Variants in RFX6 observed in about 807,000 individuals in gnomAD.
The protein encoded by RFX6 is DNA-binding protein RFX6.
In RFX6, 50 loss-of-function variants were observed where a neutral mutation model predicts 110.8. The ratio of observed to expected loss-of-function variants is 0.45; its 90% confidence interval spans 0.36 to 0.57. The LOEUF is 0.57. RFX6 is among the 20% of genes least tolerant of loss of function. The pLI is 0.00. For synonymous variants in RFX6, 383 were observed against 411.2 expected, an observed-to-expected ratio of 0.93 and a Z score of 0.83; for missense variants, 990 against 1,127.0, an observed-to-expected ratio of 0.88 and a Z score of 1.74.
rs1775752346 is a variant in RFX6, at chr6:116,927,008, T to G, written c.1886-19T>G. The G allele has an allele frequency of 6.2e-7, 1 of 1,608,148 alleles. No homozygotes were observed. The highest frequency in any genetic ancestry group is 1.3e-5 in the African/African-American group (1 of 74,790). ...ACTTTAATATGACACTAAAGGAATG[T>G]TCTGGTGATTTTTTCCAGGTCAAAT... is the stretch of plus-strand genomic sequence containing the variant. On this transcript the variant is annotated intron_variant, in intron 16 of 18. Transcript: ENST00000332958.
At chr6:116,919,448 G>T (rs1048279674) in intron 11 of RFX6, 152 bp downstream of exon 11, 17 of 737,060 alleles carry the variant, frequency 2.3e-5, no homozygotes, top group South Asian at 4.4e-5. Context: ...TGCTATGATA[G>T]AAAAAGCACA....
At chr6:116,895,712 C>T (rs1044291404) in intron 6 of RFX6, among the ~76,000 whole-genome samples, 4 of 151,780 alleles carry the variant, frequency 2.6e-5, no homozygotes, top group Non-Finnish European at 5.9e-5. Flanking sequence ...TCCTCTCCAC[C>T]CCCTCCTTCA....
chr6:116,894,855 A>G (rs775351843), intron 5 of RFX6, among the ~76,000 whole-genome samples: 14 of 152,154 alleles, frequency 9.2e-5, no homozygotes, highest in Non-Finnish European at 1.8e-4. Context: ...TACAAGGAAC[A>G]TAAGGCTGCT....
chr6:116,900,072 C>T (rs1334744850), intron 6 of RFX6, among the ~76,000 whole-genome samples: 1 of 152,052 alleles, frequency 6.6e-6, no homozygotes, highest in East Asian at 1.9e-4. Context: ...TAACATTTTA[C>T]AATATGAAAC....
chr6:116,920,183 T>G, intron 11 of RFX6, 127 bp from the exon 12 acceptor site: 1 of 800,446 alleles, frequency 1.2e-6, no homozygotes, highest in Admixed American at 1.8e-5. Context: ...GCTTTTGTCT[T>G]TAAAATAAGA....
rs750243530 is a variant in RFX6 at position 116,895,245 on chromosome 6, A to G, written c.672+38A>G. ...TTCATCTCTATTTTACATCTGCTAT[A>G]ATATGTCTTACAAGCTGAGCAATAC... On this transcript the variant is annotated intron_variant, in intron 6 of 18. Transcript: ENST00000332958. 5.3e-6 allele frequency: 6 copies of G among 1,137,148 alleles called. No individual in the cohort carries two copies. The African/African-American group carries it at 6.1e-5, about 12-fold the overall frequency. 70.4% of individuals were successfully genotyped at this position (1,137,148 alleles called of 1,614,324 possible).
chr6:116,930,166 C>T (rs1347312268), intron 18 of RFX6, among the ~76,000 whole-genome samples: 3 of 152,124 alleles, frequency 2.0e-5, no homozygotes, highest in African/African-American at 7.2e-5. Context: ...TCAGAGCTGG[C>T]TTACAAGTAG....
At chr6:116,908,545 G>T (rs1228225544) in intron 6 of RFX6, among the ~76,000 whole-genome samples, 3 of 152,036 alleles carry the variant, frequency 2.0e-5, no homozygotes, top group Non-Finnish European at 2.9e-5. Context: ...TAAAAAAGGT[G>T]AGAGCAGGCA....
chr6:116,920,323 C>G lies in RFX6; in HGVS notation c.1196C>G (p.Ala399Gly), dbSNP rs201186377. The change falls in exon 12 of 19, where the codon GCT (alanine) becomes GGT (glycine). Residue 399 changes from alanine to glycine, a missense_variant. This residue lies in a region of RFX6 where 243 missense variants were observed against 353.1 expected (regional missense o/e 0.69). Coordinates refer to ENST00000332958, the MANE Select transcript of RFX6 (RefSeq NM_173560.4). ...TTCTCTATGCAGATTGCCAGACCAG[C>G]TCTCTTTGACCAGCATGTCGTTAAT... Reference protein sequence around the residue: ...FLHLAQIARPALFDQHVVNSM... With the variant: ...FLHLAQIARPGLFDQHVVNSM... 1.9e-6 allele frequency: 3 copies of G among 1,611,704 alleles called. No individual in the cohort carries two copies. The African/African-American group carries it at 4.0e-5, about 21-fold the overall frequency.
chr6:116,896,480 GATA>G (rs1019430351), intron 6 of RFX6, among the ~76,000 whole-genome samples: 10 of 152,240 alleles, frequency 6.6e-5, no homozygotes, highest in African/African-American at 1.9e-4. Flanking sequence ...AGTTTAAAAT[GATA>G]ATAAAATATT....
intron 11 of RFX6, among the ~76,000 whole-genome samples, chr6:116,919,741 ACT>A (rs1275081780): frequency 1.3e-5 from 2 of 152,224 alleles, no homozygotes; most frequent in African/African-American, 4.8e-5. Context: ...GAAACCACAA[ACT>A]CAACACATTT....
In RFX6 at chr6:116,923,231, T is replaced by TA; in HGVS notation, c.1555+8dup. ...AACAATGCATCCAGTTTTGGTAACATACGTGCATTATAAAACTGTTCTTAC... is the reference window on the plus strand; with the variant it reads ...AACAATGCATCCAGTTTTGGTAACATAACGTGCATTATAAAACTGTTCTTAC... On this transcript the variant is annotated splice_region_variant and intron_variant, in intron 14 of 18. Coordinates refer to ENST00000332958, the MANE Select transcript of RFX6 (RefSeq NM_173560.4). 2 of 1,230,956 alleles carry TA rather than the reference T, an allele frequency of 1.6e-6. No homozygotes were observed. The highest frequency in any genetic ancestry group is 2.4e-5 in the South Asian group (2 of 82,672). The allele number at this position is 1,230,956 out of a possible 1,614,324, so 76.3% of individuals were successfully genotyped here.
intron 12 of RFX6, among the ~76,000 whole-genome samples, chr6:116,921,331 G>A (rs577251610): frequency 1.3e-5 from 2 of 152,178 alleles, no homozygotes; most frequent in Admixed American, 1.3e-4. Flanking sequence ...CAATTCTGCT[G>A]AGAAGAAATT....
intron 3 of RFX6, 77 bp downstream of exon 3, chr6:116,880,744 G>A: frequency 1.3e-6 from 2 of 1,485,398 alleles, no homozygotes; most frequent in Non-Finnish European, 1.9e-6. Flanking sequence ...GAATTCATCT[G>A]TGCAAGTTCT....
chr6:116,882,847 CCTT>C, intron 4 of RFX6, among the ~76,000 whole-genome samples: 1 of 152,222 alleles, frequency 6.6e-6, no homozygotes, highest in Middle Eastern at 3.4e-3. Flanking sequence ...CTTGATATCT[CCTT>C]CTCTTCTCTT....
At chr6:116,907,516 C>T (rs1003114742) in intron 6 of RFX6, among the ~76,000 whole-genome samples, 4 of 152,056 alleles carry the variant, frequency 2.6e-5, no homozygotes, top group East Asian at 1.9e-4. Context: ...TGGTTAACTA[C>T]TACAAATTTG....
chr6:116,889,109 G>A (rs1194156492), intron 4 of RFX6, among the ~76,000 whole-genome samples: 1 of 152,070 alleles, frequency 6.6e-6, no homozygotes, highest in Non-Finnish European at 1.5e-5. Flanking sequence ...GGTTTGTATT[G>A]CTAGCAACAG....
chr6:116,895,329 G>A, intron 6 of RFX6, 122 bp downstream of exon 6: 1 of 612,708 alleles, frequency 1.6e-6, no homozygotes, highest in Non-Finnish European at 2.9e-6. Context: ...GGAATTCCTT[G>A]ACGAAGGACT....
chr6:116,878,605 T>C (rs369508904), intron 2 of RFX6, among the ~76,000 whole-genome samples: 26 of 151,986 alleles, frequency 1.7e-4, no homozygotes, highest in Non-Finnish European at 2.9e-5. Flanking sequence ...TTTTGTAATA[T>C]CTATCTAAAA....
Sources: allele counts gnomAD v4.1 joint callset (sites outside exome capture counted in the v4.1 genomes callset), GRCh38; gene constraint gnomAD v4.1.1; regional missense constraint gnomAD v4.1.1; transcripts MANE v1.5; gene names NCBI Gene and HGNC (gene_info 2026-07-23, HGNC 2026-07-21).